The following BTRC variants were observed in gnomAD, a reference collection of about 807,000 sequenced individuals.
The protein encoded by BTRC is beta-transducin repeat containing E3 ubiquitin protein ligase, also known as F-box/WD repeat-containing protein 1A.
Under a neutral mutation model 85.5 loss-of-function variants are expected in BTRC, and 42 were observed. The observed-to-expected ratio is 0.49, with a 90% CI of 0.38 to 0.64. The LOEUF (loss-of-function observed/expected upper bound fraction) is 0.64. BTRC is among the 30% of genes least tolerant of loss of function. The pLI is 0.00. For missense variants in BTRC, 594 were observed against 743.5 expected (o/e 0.80, Z 2.34); for synonymous variants, 255 against 263.3 (o/e 0.97, Z 0.30).
Position 101,396,803 on chromosome 10 carries a change from GA to G in BTRC, c.49-33541del, listed in dbSNP as rs1399122193. ...TATCAAAGTAATTCTATCTCCAAAA[GA>G]TTTTTTTTTTTTTTTTGAGACAGAG... is the stretch of plus-strand genomic sequence containing the variant. On this transcript the variant is annotated intron_variant, in intron 1 of 14. Transcript: ENST00000370187. 4.0e-5 allele frequency among the ~76,000 whole-genome samples: 6 copies of G among 150,528 alleles called. No individual in the cohort carries two copies. In the East Asian group the frequency reaches 1.2e-3, roughly 30 times the overall value.
chr10:101,442,405 A>G (rs879265600), intron 2 of BTRC, among the ~76,000 whole-genome samples: 1 of 151,892 alleles, frequency 6.6e-6, no homozygotes, highest in East Asian at 1.9e-4. Flanking sequence ...ATGGCAGCCT[A>G]TGGAACTACT....
chr10:101,371,761 C>T (rs971945603), intron 1 of BTRC, among the ~76,000 whole-genome samples: 1 of 151,976 alleles, frequency 6.6e-6, no homozygotes, highest in African/African-American at 2.4e-5. Context: ...TTTTATTTAC[C>T]ATTTGCATTT....
At chr10:101,427,113 CTTTTTTTTTTTTTT>C (rs138285266) in intron 1 of BTRC, among the ~76,000 whole-genome samples, 1 of 109,364 alleles carries the variant, frequency 9.1e-6, no homozygotes, top group African/African-American at 3.5e-5. Context: ...TTTTTTCTTT[CTTTTTTTTTTTTTT>C]TTTTTTTTTG....
At chr10:101,421,029 T>G (rs1398961564) in intron 1 of BTRC, among the ~76,000 whole-genome samples, 1 of 150,622 alleles carries the variant, frequency 6.6e-6, no homozygotes. Flanking sequence ...CACATCAGAT[T>G]CATGATTTCT....
chr10:101,419,827 C>T (rs1437585005), intron 1 of BTRC, among the ~76,000 whole-genome samples: 3 of 152,196 alleles, frequency 2.0e-5, no homozygotes, highest in African/African-American at 7.2e-5. Flanking sequence ...GTCTTTCACT[C>T]TGGCCCCTGT....
At chr10:101,512,749 G>T (rs928132316) in intron 4 of BTRC, among the ~76,000 whole-genome samples, 1 of 152,226 alleles carries the variant, frequency 6.6e-6, no homozygotes, top group Non-Finnish European at 1.5e-5. Context: ...TAGCCTTTGA[G>T]AACTAAGCTG....
intron 1 of BTRC, among the ~76,000 whole-genome samples, chr10:101,387,528 C>CTTTTTTATTTTTTTTTTTTTTTTTTT (rs1943111257): frequency 2.2e-5 from 1 of 45,122 alleles, no homozygotes; most frequent in Admixed American, 2.7e-4. Flanking sequence ...CTTCATGGGA[C>CTTTTTTATTTTTTTTTTTTTTTTTTT]TTTTTTTTTT....
chr10:101,386,353 A>G (rs930337256), intron 1 of BTRC, among the ~76,000 whole-genome samples: 3 of 152,216 alleles, frequency 2.0e-5, no homozygotes, highest in South Asian at 2.1e-4. Flanking sequence ...CATTGTCAAC[A>G]TGTTCACTTA....
intron 4 of BTRC, among the ~76,000 whole-genome samples, chr10:101,488,566 G>C (rs1016899919): frequency 6.6e-6 from 1 of 152,130 alleles, no homozygotes; most frequent in Non-Finnish European, 1.5e-5. Flanking sequence ...AGCCAAATCA[G>C]CTTCTGTTTC....
At chr10:101,472,885 T>G (rs1419422143) in intron 3 of BTRC, among the ~76,000 whole-genome samples, 3 of 152,216 alleles carry the variant, frequency 2.0e-5, no homozygotes, top group Non-Finnish European at 2.9e-5. Flanking sequence ...AGGTTTTATC[T>G]TTATCACTCG....
Position 101,550,683 on chromosome 10 carries a change from GT to G in BTRC, c.1657-13del. The G allele has an allele frequency of 6.3e-7, 1 of 1,596,378 alleles. No individual in the cohort carries two copies. The highest frequency in any genetic ancestry group is 8.5e-7 in the Non-Finnish European group (1 of 1,170,560). ...AGTAGTTCAAGTTCCTACCCTTTTT[GT>G]TTCTACTTCTTTAGGAGCATTCCGG... On this transcript the variant is annotated splice_polypyrimidine_tract_variant and intron_variant, in intron 13 of 14. Transcript: ENST00000370187.
chr10:101,506,951 T>C (rs976213853), intron 4 of BTRC, among the ~76,000 whole-genome samples: 1 of 152,214 alleles, frequency 6.6e-6, no homozygotes, highest in African/African-American at 2.4e-5. Flanking sequence ...TTCTCTTGCT[T>C]TGCTCCTAGA....
intron 1 of BTRC, among the ~76,000 whole-genome samples, chr10:101,374,965 A>G (rs1942750853): frequency 6.6e-6 from 1 of 152,086 alleles, no homozygotes; most frequent in Non-Finnish European, 1.5e-5. Flanking sequence ...CCAGTTAAGG[A>G]GGCACAAAGC....
chr10:101,476,342 C>A (rs777780592), intron 3 of BTRC, among the ~76,000 whole-genome samples: 35 of 151,986 alleles, frequency 2.3e-4, no homozygotes, highest in Non-Finnish European at 4.4e-5. Context: ...ACTGGTGAAA[C>A]CTGAGTAAGT....
Position 101,534,905 on chromosome 10 carries a change from A to G in BTRC, c.1342A>G (p.Ile448Val), listed in dbSNP as rs751980367. Residue 448 changes from isoleucine (I) to valine (V), a missense_variant, in exon 10 of 15, where the codon ATA (isoleucine) becomes GTA (valine). By Grantham distance (29) the Ile-to-Val change is conservative. Transcript: ENST00000370187. The stretch of plus-strand genomic sequence containing the variant: ...TGTTTCTGCATCTGGGGATAGAACT[A>G]TAAAGGTAATAAGGCATTTTTCAGT... Reference protein sequence around the residue: ...YIVSASGDRTIKVWNTSTCEF... With the variant: ...YIVSASGDRTVKVWNTSTCEF... 51 of 1,613,464 alleles carry G rather than the reference A, an allele frequency of 3.2e-5. No individual in the cohort carries two copies. The highest frequency in any genetic ancestry group is 4.1e-5 in the Non-Finnish European group (48 of 1,179,472).
chr10:101,541,673 A>G (rs1327630589), intron 13 of BTRC, among the ~76,000 whole-genome samples: 2 of 152,222 alleles, frequency 1.3e-5, no homozygotes, highest in Non-Finnish European at 2.9e-5. Flanking sequence ...TGCTTTATCT[A>G]CATCCATTGA....
chr10:101,415,459 C>CTTTTA lies in BTRC; in HGVS notation c.49-14859_49-14855dup, dbSNP rs1159966259. ...CCAAAGCCACCACACCCAGCCACCA[C>CTTTTA]TTTTATTTTATTTTATTTTATTTTA... On this transcript the variant is annotated intron_variant, in intron 1 of 14. Transcript: ENST00000370187. Among the ~76,000 whole-genome samples, 7 of 105,818 alleles carry CTTTTA rather than the reference C, an allele frequency of 6.6e-5. 2 individuals carry two copies. Among genetic ancestry groups the CTTTTA allele is most frequent in the African/African-American group, 2.1e-4 (5 of 23,816 alleles). The allele number at this position is 105,818 out of a possible 152,430, so 69.4% of individuals were successfully genotyped here.
intron 1 of BTRC, among the ~76,000 whole-genome samples, chr10:101,389,405 A>G (rs183379438): frequency 6.6e-4 from 101 of 152,014 alleles, no homozygotes; most frequent in Middle Eastern, 3.4e-3. Flanking sequence ...CTTTAAATCT[A>G]GTCTGTCTCC....
At chr10:101,480,408 A>AT (rs1945802471) in intron 4 of BTRC, among the ~76,000 whole-genome samples, 2 of 152,078 alleles carry the variant, frequency 1.3e-5, no homozygotes, top group Admixed American at 6.6e-5. Context: ...AACAAAACTA[A>AT]TTTTTTTCTT....
Sources: allele counts gnomAD v4.1 joint callset (sites outside exome capture counted in the v4.1 genomes callset), GRCh38; gene constraint gnomAD v4.1.1; transcripts MANE v1.5; gene names NCBI Gene and HGNC (gene_info 2026-07-23, HGNC 2026-07-21).